Variants in TF observed in about 807,000 individuals in gnomAD.
TF encodes serotransferrin.
Under a neutral mutation model 82.4 loss-of-function variants are expected in TF, and 55 were observed. That is an observed-to-expected ratio of 0.67 (90% CI 0.54 to 0.84). The LOEUF is 0.84. TF is among the 40% of genes least tolerant of loss of function. The pLI, the probability that TF is intolerant of heterozygous loss-of-function variation, is 0.00. For synonymous variants in TF, 332 were observed against 332.6 expected (o/e 1.00, Z 0.02); for missense variants, 737 against 868.4 (o/e 0.85, Z 1.90).
intron 12 of TF, among the ~76,000 whole-genome samples, chr3:133,767,320 T>C (rs1478026086): frequency 6.6e-6 from 1 of 152,202 alleles, no homozygotes; most frequent in East Asian, 1.9e-4. Flanking sequence ...ATTAGCTTCC[T>C]AAGTACTTTG....
At chr3:133,710,799 C>G in the TF span, among the ~76,000 whole-genome samples, 234 of 152,292 alleles carry the variant, frequency 1.5e-3, no homozygotes, top group African/African-American at 5.3e-3. Context: ...TTGGCCCCCC[C>G]ACAACATTCT....
chr3:133,757,573 C>T (rs1933870434), intron 7 of TF, among the ~76,000 whole-genome samples, 196 bp from the exon 8 acceptor site: 2 of 152,238 alleles, frequency 1.3e-5, no homozygotes, highest in African/African-American at 4.8e-5. Flanking sequence ...GAAGCAGGTT[C>T]AGGCAAATCG....
At chr3:133,683,064 A>G in the TF span, among the ~76,000 whole-genome samples, 1 of 152,214 alleles carries the variant, frequency 6.6e-6, no homozygotes, top group Non-Finnish European at 1.5e-5. Flanking sequence ...TTTTTAAAGA[A>G]AAGAATTTTC....
chr3:133,741,505 A>G (rs540985481), upstream of TF, among the ~76,000 whole-genome samples: 1 of 152,326 alleles, frequency 6.6e-6, no homozygotes, highest in African/African-American at 2.4e-5. Flanking sequence ...ACTGATCTCA[A>G]CAGAAAAGCT....
the TF span, among the ~76,000 whole-genome samples, chr3:133,731,716 T>C: frequency 6.6e-6 from 1 of 152,200 alleles, no homozygotes; most frequent in Non-Finnish European, 1.5e-5. Flanking sequence ...GTGAGCAATC[T>C]TCAGAATGAC....
intron 5 of TF, chr3:133,755,850 G>C (rs1236990952): frequency 6.7e-6 from 3 of 449,544 alleles, no homozygotes; most frequent in Non-Finnish European, 1.2e-5. Context: ...CTCAATCTCA[G>C]CAGTGTTACC....
chr3:133,688,183 C>T, the TF span: 1 of 154,520 alleles, frequency 6.5e-6, no homozygotes, highest in Non-Finnish European at 1.5e-5. Flanking sequence ...TCTGGCCTCT[C>T]TCTCCTAGGG....
the TF span, among the ~76,000 whole-genome samples, chr3:133,688,969 A>C: frequency 6.6e-6 from 1 of 152,256 alleles, no homozygotes; most frequent in East Asian, 1.9e-4. Context: ...ATTTACATTT[A>C]AAATAATAAA....
the TF span, among the ~76,000 whole-genome samples, chr3:133,733,600 A>G: frequency 0.19 from 29,560 of 152,158 alleles, 2,992 homozygotes; most frequent in East Asian, 0.29. Flanking sequence ...TTTCTTAGCC[A>G]GGTACATCTC....
chr3:133,755,739 C>T (rs928920843), intron 5 of TF: 6 of 571,566 alleles, frequency 1.0e-5, no homozygotes, highest in South Asian at 7.9e-5. Flanking sequence ...CCAGAGCCCT[C>T]AAGCCTGGTC....
chr3:133,714,364 T>G, the TF span, among the ~76,000 whole-genome samples: 19 of 152,194 alleles, frequency 1.2e-4, no homozygotes, highest in African/African-American at 4.6e-4. Context: ...AAAGTTCTCT[T>G]TTATTCATAG....
rs551426670 is a variant in TF at position 133,748,299 on chromosome 3, T to C, written c.44-113T>C. 1.1e-5 allele frequency: 14 copies of C among 1,274,786 alleles called. 2 individuals carry two copies. The South Asian group carries it at 1.6e-4, about 15-fold the overall frequency. The allele number at this position is 1,274,786 out of a possible 1,614,324, so 79.0% of individuals were successfully genotyped here. On this transcript the variant is annotated intron_variant, in intron 1 of 16. Transcript: ENST00000402696. ...GCCCTGTAGTGTTCATGGACAGGAG[T>C]GAGAGGAGGACAGGACTGAGGGGAT...
chr3:133,794,746 C>T lies in TF; in HGVS notation c.*16126C>T, dbSNP rs1210841826. ...AAAGCTAACCAGGGAAGTTTCTCTCCCGAAGAAGATGGCATCCTTGATGTG... is the reference window on the plus strand; with the variant it reads ...AAAGCTAACCAGGGAAGTTTCTCTCTCGAAGAAGATGGCATCCTTGATGTG... On this transcript the variant is annotated 3_prime_UTR_variant, in exon 17 of 17. Coordinates refer to ENST00000402696, the MANE Select transcript of TF (RefSeq NM_001063.4). 2 of 152,140 alleles carry T rather than the reference C, an allele frequency of 1.3e-5. No individual in the cohort carries two copies. The highest frequency in any genetic ancestry group is 3.8e-4 in the East Asian group (2 of 5,196). The allele number at this position is 152,140 out of a possible 1,614,324, so 9.4% of individuals were successfully genotyped here. A position where few individuals can be genotyped will look rare whatever the true frequency, so the allele number is the denominator to read the frequency against.
chr3:133,693,470 G>C, the TF span, among the ~76,000 whole-genome samples: 2,077 of 152,304 alleles, frequency 0.014, 22 homozygotes, highest in Non-Finnish European at 0.022. Context: ...ACATCTTTTT[G>C]AGTCCGGCCA....
At chr3:133,698,720 T>C in the TF span, among the ~76,000 whole-genome samples, 1 of 152,200 alleles carries the variant, frequency 6.6e-6, no homozygotes, top group African/African-American at 2.4e-5. Context: ...ATTTTCAAGG[T>C]CCCTATTTCC....
chr3:133,723,157 G>A, the TF span, among the ~76,000 whole-genome samples: 1 of 152,086 alleles, frequency 6.6e-6, no homozygotes, highest in Non-Finnish European at 1.5e-5. Flanking sequence ...AGTCTGATAG[G>A]AATTCCCTTA....
chr3:133,788,070 G>A lies in TF; in HGVS notation c.*9450G>A, dbSNP rs1934731942. 6.6e-6 allele frequency: 1 copy of A among 152,194 alleles called. No homozygotes were observed. 9.4% of individuals were successfully genotyped at this position (152,194 alleles called of 1,614,324 possible). A position where few individuals can be genotyped will look rare whatever the true frequency, so the allele number is the denominator to read the frequency against. Reference sequence around the variant, plus strand: ...AGACAGTTTAAGATAAACCATGTGTGTAGTTTATTCAACCCTACTGATGCA... The same window carrying A: ...AGACAGTTTAAGATAAACCATGTGTATAGTTTATTCAACCCTACTGATGCA... On this transcript the variant is annotated 3_prime_UTR_variant, in exon 17 of 17. Transcript: ENST00000402696.
the TF span, among the ~76,000 whole-genome samples, chr3:133,681,399 A>G: frequency 6.6e-6 from 1 of 152,212 alleles, no homozygotes; most frequent in African/African-American, 2.4e-5. Flanking sequence ...AAGCAGGGTG[A>G]GACATCACCT....
At chr3:133,772,630 G>A (rs1934288293) in intron 14 of TF, 1 of 152,148 alleles carries the variant, frequency 6.6e-6, no homozygotes, top group Non-Finnish European at 1.5e-5. Flanking sequence ...TATCCTTATA[G>A]AGAATCCTGC....
Sources: allele counts gnomAD v4.1 joint callset (sites outside exome capture counted in the v4.1 genomes callset), GRCh38; gene constraint gnomAD v4.1.1; transcripts MANE v1.5; gene names NCBI Gene and HGNC (gene_info 2026-07-23, HGNC 2026-07-21).